The following PPP1R13L variants were observed in gnomAD, a reference collection of about 807,000 sequenced individuals.
The protein encoded by PPP1R13L is relA-associated inhibitor.
In PPP1R13L, 50 loss-of-function variants were observed where a neutral mutation model predicts 80.9. That is an observed-to-expected ratio of 0.62 (90% confidence interval 0.49 to 0.78). The LOEUF is 0.78. Among genes scored for constraint, PPP1R13L ranks in the 30% least tolerant of loss-of-function variants. PPP1R13L has a pLI of 0.00. For missense variants in PPP1R13L, 1,200 were observed against 1,205.9 expected, an observed-to-expected ratio of 1.00 and a Z score of 0.07; for synonymous variants, 602 against 534.3, an observed-to-expected ratio of 1.13 and a Z score of -1.75.
At chr19:45,387,133 T>C (rs1972886308) in intron 8 of PPP1R13L, among the ~76,000 whole-genome samples, 1 of 151,742 alleles carries the variant, frequency 6.6e-6, no homozygotes, top group African/African-American at 2.4e-5. Context: ...CCTGACATGG[T>C]GGCGCACACC....
chr19:45,391,811 G>A (rs1972977413), intron 8 of PPP1R13L, 69 bp downstream of exon 8: 20 of 1,234,270 alleles, frequency 1.6e-5, no homozygotes, highest in Non-Finnish European at 2.0e-5. Flanking sequence ...ACTATATTTG[G>A]GGGGCTCTTT....
At chr19:45,381,351 C>T (rs1336474134) in intron 12 of PPP1R13L, among the ~76,000 whole-genome samples, 2 of 151,920 alleles carry the variant, frequency 1.3e-5, no homozygotes, top group East Asian at 3.9e-4. Flanking sequence ...TGTGAGCCAC[C>T]TGGCCGGGCC....
intron 10 of PPP1R13L, 28 bp from the exon 11 acceptor site, chr19:45,385,756 G>A: frequency 6.2e-7 from 1 of 1,607,584 alleles, no homozygotes; most frequent in Non-Finnish European, 8.5e-7. Context: ...GGGTTGCGGG[G>A]AACGATGCGT....
At chr19:45,381,250 TG>T (rs1276433263) in intron 12 of PPP1R13L, among the ~76,000 whole-genome samples, 1 of 150,618 alleles carries the variant, frequency 6.6e-6, no homozygotes, top group East Asian at 2.0e-4. Flanking sequence ...TTAGTAGAGA[TG>T]GAGTTTCACC....
Position 45,386,141 on chromosome 19 carries a change from T to C in PPP1R13L, c.1855A>G (p.Lys619Glu). ...SVLRKAGSPR[K>E]ARRARLNPLV... The stretch of plus-strand genomic sequence containing the variant: ...GGGTTGAGGCGCGCGCGGCGGGCCT[T>C]GCGCGGGGAGCCCGCCTTCCGCAGC... Residue 619 changes from lysine (K) to glutamate (E), a missense_variant, in exon 9 of 13, where the codon AAG (lysine) becomes GAG (glutamate). Coordinates refer to ENST00000360957, the MANE Select transcript of PPP1R13L (RefSeq NM_006663.4). The C allele has an allele frequency of 6.5e-7, 1 of 1,542,016 alleles. No individual in the cohort carries two copies. Among genetic ancestry groups the C allele is most frequent in the Non-Finnish European group, 8.6e-7 (1 of 1,157,210 alleles).
chr19:45,393,786 T>C lies in PPP1R13L; in HGVS notation c.1355-1446A>G, dbSNP rs1374094762. Among the ~76,000 whole-genome samples the C allele has an allele frequency of 2.6e-5, 4 of 151,928 alleles. No homozygotes were observed. The East Asian group carries it at 5.8e-4, about 22-fold the overall frequency. On this transcript the variant is annotated intron_variant, in intron 7 of 12. Transcript: ENST00000360957. ...CACTCGGGAGGCTGAGGCAGGAGAA[T>C]GGCGTGAACCCGGGAGGCGGAGCTT...
At position 45,395,599 on chromosome 19, in the gene PPP1R13L, GA is replaced by G. The variant is rs1973067762; in HGVS notation, c.1190del (p.Leu397ProfsTer53). 9 of 1,478,304 alleles carry G rather than the reference GA, an allele frequency of 6.1e-6. No homozygotes were observed. The highest frequency in any genetic ancestry group is 8.1e-6 in the Non-Finnish European group (9 of 1,117,714). 91.6% of individuals were successfully genotyped at this position (1,478,304 alleles called of 1,614,324 possible). On this transcript the variant is annotated frameshift_variant, in exon 7 of 13. Transcript: ENST00000360957. LOFTEE classifies it high-confidence loss of function. Reference sequence around the variant, plus strand: ...GCTTAGGCGGGGGTGCTCGGGTGAAGAGGGGGGACCCAGGGAGCATGGCGCG... The same window carrying G: ...GCTTAGGCGGGGGTGCTCGGGTGAAGGGGGGGACCCAGGGAGCATGGCGCG... ...ASRAMLPGSPLFTRAPPPKLQ... is the reference protein window; with the variant it reads ...ASRAMLPGSPXFTRAPPPKLQ...
chr19:45,385,773 C>T (rs1972854152), intron 10 of PPP1R13L, 45 bp from the exon 11 acceptor site: 1 of 1,608,154 alleles, frequency 6.2e-7, no homozygotes, highest in African/African-American at 1.3e-5. Context: ...GCGTGAGAGG[C>T]TGCGCGTCCG....
chr19:45,399,239 G>A (rs978154399), intron 1 of PPP1R13L, among the ~76,000 whole-genome samples: 4 of 149,342 alleles, frequency 2.7e-5, no homozygotes, highest in Non-Finnish European at 5.9e-5. Context: ...CACCGCGCCC[G>A]GCCTTGTTTT....
chr19:45,396,103 C>T lies in PPP1R13L; in HGVS notation c.903+65G>A, dbSNP rs1973083460. 7 of 1,519,788 alleles carry T rather than the reference C, an allele frequency of 4.6e-6. No homozygotes were observed. In the East Asian group the frequency reaches 9.8e-5, roughly 21 times the overall value. The allele number at this position is 1,519,788 out of a possible 1,614,324, so 94.1% of individuals were successfully genotyped here. ...GCCCCGAGGGGGAGACTGGCCTTGA[C>T]CCCGCTCCCCCACCCCACTCCTCGA... On this transcript the variant is annotated intron_variant, in intron 6 of 12. Coordinates refer to ENST00000360957, the MANE Select transcript of PPP1R13L (RefSeq NM_006663.4). The surrounding 1 kb of genome is among the most constrained non-coding windows in gnomAD (Gnocchi z 5.3).
At chr19:45,390,386 G>T (rs908335379) in intron 8 of PPP1R13L, among the ~76,000 whole-genome samples, 8 of 152,146 alleles carry the variant, frequency 5.3e-5, no homozygotes, top group African/African-American at 1.9e-4. Context: ...CCACCATCTG[G>T]TCCTGGTGGT....
intron 8 of PPP1R13L, among the ~76,000 whole-genome samples, chr19:45,391,146 C>T (rs905392009): frequency 1.9e-4 from 29 of 151,546 alleles, no homozygotes; most frequent in Middle Eastern, 3.4e-3. Flanking sequence ...TGCAGTGAGC[C>T]GAGGTCAAGC....
rs768727006 is a variant in PPP1R13L, at chr19:45,392,265, C to T, written c.1430G>A (p.Gly477Asp). 1.9e-6 allele frequency: 3 copies of T among 1,613,432 alleles called. No homozygotes were observed. In the South Asian group the frequency reaches 3.3e-5, roughly 18 times the overall value. Residue 477 changes from glycine to aspartate, a missense_variant, in exon 8 of 13, where the codon GGC becomes GAC. Gly to Asp is a moderately conservative substitution (Grantham distance 94). This residue lies in a region of PPP1R13L where 764 missense variants were observed against 714.5 expected (regional missense o/e 1.07). Coordinates refer to ENST00000360957, the MANE Select transcript of PPP1R13L (RefSeq NM_006663.4). ...EGLLTPVLEA[G>D]DVDEGPVARP... ...TGCTACAGGGCCTTCATCCACATCG[C>T]CAGCCTCCAGCACTGGTGTCAGCAG...
chr19:45,399,030 G>A (rs79713128), intron 1 of PPP1R13L, among the ~76,000 whole-genome samples: 4 of 151,864 alleles, frequency 2.6e-5, no homozygotes, highest in Admixed American at 6.6e-5. Context: ...TGCAAGCTCC[G>A]CCTCCAGGGT....
chr19:45,385,724 GT>G lies in PPP1R13L; in HGVS notation c.2085del (p.Leu697CysfsTer61). ...NVNSPDSHGW[T>X]PLHCAASCND... Reference sequence around the variant, plus strand: ...TTGCACGACGCCGCGCAGTGCAAGGGTGTCCTAGGCGTGGGGGTGGGGGGTT... The same window carrying G: ...TTGCACGACGCCGCGCAGTGCAAGGGGTCCTAGGCGTGGGGGTGGGGGGTT... On this transcript the variant is annotated frameshift_variant, in exon 11 of 13. Coordinates refer to ENST00000360957, the MANE Select transcript of PPP1R13L (RefSeq NM_006663.4). LOFTEE classifies it high-confidence loss of function. 6.2e-7 allele frequency: 1 copy of G among 1,610,404 alleles called. No individual in the cohort carries two copies. The highest frequency in any genetic ancestry group is 8.5e-7 in the Non-Finnish European group (1 of 1,178,252).
chr19:45,399,859 G>A (rs1463802536), intron 1 of PPP1R13L, among the ~76,000 whole-genome samples: 1 of 151,804 alleles, frequency 6.6e-6, no homozygotes, highest in East Asian at 1.9e-4. Flanking sequence ...TGAGGCACAA[G>A]GCTCACTTGA....
intron 11 of PPP1R13L, 58 bp from the exon 12 acceptor site, chr19:45,382,784 G>A (rs1972789912): frequency 6.5e-7 from 1 of 1,545,122 alleles, no homozygotes; most frequent in African/African-American, 1.4e-5. Context: ...CAGGAACAGG[G>A]GCCACGTGGG....
At chr19:45,384,277 T>G (rs1972822980) in intron 11 of PPP1R13L, among the ~76,000 whole-genome samples, 2 of 150,058 alleles carry the variant, frequency 1.3e-5, no homozygotes, top group Non-Finnish European at 2.9e-5. Flanking sequence ...TCACAGCACT[T>G]TGGGAGGCCA....
chr19:45,404,240 C>A (rs559684257), intron 1 of PPP1R13L, among the ~76,000 whole-genome samples: 1 of 152,328 alleles, frequency 6.6e-6, no homozygotes, highest in South Asian at 2.1e-4. Flanking sequence ...TTCCGGAATT[C>A]TGCCCTGGGT....
Sources: allele counts gnomAD v4.1 joint callset (sites outside exome capture counted in the v4.1 genomes callset), GRCh38; gene constraint gnomAD v4.1.1; regional missense constraint gnomAD v4.1.1; non-coding constraint Gnocchi (gnomAD v3.1); transcripts MANE v1.5; gene names NCBI Gene and HGNC (gene_info 2026-07-23, HGNC 2026-07-21).